The following RHBDL3 variants were observed in gnomAD, a reference collection of about 807,000 sequenced individuals.
RHBDL3 encodes rhomboid like 3.
A neutral mutation model predicts 48.2 loss-of-function variants in RHBDL3; 28 were observed. The observed-to-expected ratio is 0.58, with a 90% confidence interval of 0.43 to 0.80. The LOEUF is 0.80. Among genes scored for constraint, RHBDL3 ranks in the 30% least tolerant of loss-of-function variants. The probability of loss-of-function intolerance (pLI) is 0.00; values close to 1 mark genes in which losing one functional copy is unlikely to be tolerated. For synonymous variants in RHBDL3, 208 were observed against 232.3 expected (o/e 0.90, Z 0.95); for missense variants, 464 against 542.7 (o/e 0.85, Z 1.44).
intron 4 of RHBDL3, among the ~76,000 whole-genome samples, chr17:32,290,938 C>G (rs1486333242): frequency 7.0e-6 from 1 of 142,558 alleles, no homozygotes; most frequent in Admixed American, 7.3e-5. Flanking sequence ...GAGGTCAAGG[C>G]TGTAGTGAGC....
intron 7 of RHBDL3, among the ~76,000 whole-genome samples, chr17:32,314,498 G>A (rs2040923179): frequency 6.6e-6 from 1 of 152,096 alleles, no homozygotes. Flanking sequence ...TCACCTTTAA[G>A]GGAGAATTGA....
chr17:32,320,481 A>G (rs1391440547), intron 8 of RHBDL3, among the ~76,000 whole-genome samples: 1 of 151,964 alleles, frequency 6.6e-6, no homozygotes, highest in Non-Finnish European at 1.5e-5. Flanking sequence ...CCACCACCAC[A>G]CCCAGCTAAT....
intron 2 of RHBDL3, among the ~76,000 whole-genome samples, chr17:32,272,669 A>G (rs528257102): frequency 1.3e-5 from 2 of 152,336 alleles, no homozygotes; most frequent in African/African-American, 4.8e-5. Context: ...CCCATCAGCT[A>G]TACTGACATT....
chr17:32,301,615 G>A (rs573932014), intron 6 of RHBDL3, among the ~76,000 whole-genome samples: 1 of 152,082 alleles, frequency 6.6e-6, no homozygotes, highest in Non-Finnish European at 1.5e-5. Context: ...GAGATGGGGA[G>A]TTTGAGACCA....
intron 5 of RHBDL3, among the ~76,000 whole-genome samples, chr17:32,297,763 G>A (rs1373415728): frequency 7.0e-6 from 1 of 143,148 alleles, no homozygotes; most frequent in Non-Finnish European, 1.5e-5. Context: ...GCCTCTCAAA[G>A]TGTTGGGCTT....
intron 5 of RHBDL3, among the ~76,000 whole-genome samples, chr17:32,297,025 AT>A (rs1487275874): frequency 6.6e-6 from 1 of 151,396 alleles, no homozygotes; most frequent in Middle Eastern, 3.2e-3. Flanking sequence ...TAATTTTCAT[AT>A]TTTTAGTAAA....
chr17:32,295,421 T>C (rs966683847), intron 5 of RHBDL3, among the ~76,000 whole-genome samples: 1 of 152,218 alleles, frequency 6.6e-6, no homozygotes, highest in Admixed American at 6.5e-5. Context: ...TGGTACATGC[T>C]GCTTACCTTG....
chr17:32,312,844 CTG>C (rs1357613741), intron 7 of RHBDL3, among the ~76,000 whole-genome samples: 2 of 152,030 alleles, frequency 1.3e-5, no homozygotes. Flanking sequence ...GGGTCTCACT[CTG>C]TTGTCCAGGC....
chr17:32,301,714 A>G (rs1860410), intron 6 of RHBDL3, among the ~76,000 whole-genome samples: 78,272 of 151,770 alleles, frequency 0.52, 21,085 homozygotes, highest in Non-Finnish European at 0.57. Context: ...CCAGCTACTC[A>G]GGAAGCTGAG....
At chr17:32,279,986 G>A (rs762321789) in intron 2 of RHBDL3, among the ~76,000 whole-genome samples, 3 of 152,186 alleles carry the variant, frequency 2.0e-5, no homozygotes, top group Non-Finnish European at 2.9e-5. Context: ...AAGGCAGACC[G>A]TGTGGGAGGC....
At chr17:32,272,225 G>A (rs923060643) in intron 2 of RHBDL3, among the ~76,000 whole-genome samples, 2 of 152,226 alleles carry the variant, frequency 1.3e-5, no homozygotes, top group African/African-American at 2.4e-5. Flanking sequence ...AGGCCCCTAC[G>A]GGGAAGGCAG....
At chr17:32,274,797 T>A (rs751474338) in intron 2 of RHBDL3, among the ~76,000 whole-genome samples, 2 of 117,128 alleles carry the variant, frequency 1.7e-5, no homozygotes, top group Non-Finnish European at 1.9e-5. Context: ...TGTGTATATA[T>A]GTGTGCACGT....
At chr17:32,279,417 C>T (rs2039989344) in intron 2 of RHBDL3, among the ~76,000 whole-genome samples, 1 of 152,302 alleles carries the variant, frequency 6.6e-6, no homozygotes. Flanking sequence ...CCCATAGCCC[C>T]TAGAACTCTG....
chr17:32,271,883 TATAAAC>T (rs2039781134), intron 2 of RHBDL3, among the ~76,000 whole-genome samples: 1 of 152,174 alleles, frequency 6.6e-6, no homozygotes, highest in Non-Finnish European at 1.5e-5. Context: ...TCACCAAAAT[TATAAAC>T]ATAAACATGT....
intron 4 of RHBDL3, 67 bp downstream of exon 4, chr17:32,289,083 A>C: frequency 8.0e-7 from 1 of 1,250,504 alleles, no homozygotes; most frequent in Non-Finnish European, 1.2e-6. Flanking sequence ...AGAGGAGCCA[A>C]GAGGATGACA....
intron 8 of RHBDL3, 49 bp downstream of exon 8, chr17:32,316,341 G>C (rs2040972539): frequency 1.4e-6 from 2 of 1,423,772 alleles, no homozygotes; most frequent in Non-Finnish European, 2.0e-6. Context: ...ACCAGGGCCT[G>C]AGGTTCAAAG....
intron 7 of RHBDL3, 109 bp from the exon 8 acceptor site, chr17:32,316,123 T>C: frequency 2.5e-6 from 2 of 788,386 alleles, no homozygotes; most frequent in Non-Finnish European, 4.4e-6. Flanking sequence ...AACCCTCTCA[T>C]TCAGGACTTC....
At chr17:32,290,262 T>C (rs749274027) in intron 4 of RHBDL3, among the ~76,000 whole-genome samples, 1 of 152,234 alleles carries the variant, frequency 6.6e-6, no homozygotes, top group Non-Finnish European at 1.5e-5. Context: ...GGCAGGGGGC[T>C]GGCTCTTTGT....
At chr17:32,281,498 TG>T (rs1024513553) in intron 2 of RHBDL3, among the ~76,000 whole-genome samples, 3 of 151,844 alleles carry the variant, frequency 2.0e-5, no homozygotes, top group African/African-American at 7.3e-5. Context: ...CAGCCCCCAC[TG>T]GGGGGCTCCC....
Sources: allele counts gnomAD v4.1 joint callset (sites outside exome capture counted in the v4.1 genomes callset), GRCh38; gene constraint gnomAD v4.1.1; transcripts MANE v1.5; gene names NCBI Gene and HGNC (gene_info 2026-07-23, HGNC 2026-07-21).